ANKRD30A: variants seen among roughly 807,000 people sequenced by gnomAD.
The protein encoded by ANKRD30A is ankyrin repeat domain 30A.
ANKRD30A carries 170 observed loss-of-function variants against 166.3 expected under a neutral mutation model. The ratio of observed to expected loss-of-function variants is 1.02; its 90% CI spans 0.90 to 1.16. The LOEUF (loss-of-function observed/expected upper bound fraction) is 1.16, where lower values mean the gene tolerates loss of function less well. Among genes scored for constraint, ANKRD30A ranks in the 50% most tolerant of loss-of-function variants. The pLI is 0.00. For missense variants in ANKRD30A, 1,630 were observed against 1,518.0 expected (o/e 1.07, Z -1.23); for synonymous variants, 564 against 508.9 (o/e 1.11, Z -1.46).
At chr10:37,132,819 G>A (rs1165803297) in intron 4 of ANKRD30A, among the ~76,000 whole-genome samples, 1 of 152,110 alleles carries the variant, frequency 6.6e-6, no homozygotes, top group Non-Finnish European at 1.5e-5. Flanking sequence ...CCAACATGGT[G>A]AAACCCCATT....
At chr10:37,218,849 G>A in intron 33 of ANKRD30A, 131 bp from the exon 34 acceptor site, 2 of 613,106 alleles carry the variant, frequency 3.3e-6, no homozygotes, top group South Asian at 2.4e-5. Context: ...TGATTCAGTG[G>A]TTCTTCAACT....
chr10:37,167,812 TC>T (rs774676694), intron 19 of ANKRD30A, among the ~76,000 whole-genome samples: 11 of 148,568 alleles, frequency 7.4e-5, no homozygotes, highest in Non-Finnish European at 1.5e-4. Flanking sequence ...TAACACTTTT[TC>T]TGATGAGATG....
chr10:37,155,102 C>T (rs553198361), intron 13 of ANKRD30A, among the ~76,000 whole-genome samples: 319 of 152,156 alleles, frequency 2.1e-3, no homozygotes, highest in Middle Eastern at 0.02. Context: ...CCATAAAATT[C>T]TGAATTTATG....
At chr10:37,224,996 C>CGAA (rs376966666) in intron 34 of ANKRD30A, among the ~76,000 whole-genome samples, 1 of 151,436 alleles carries the variant, frequency 6.6e-6, no homozygotes, top group African/African-American at 2.4e-5. Flanking sequence ...ATGCTTTTCC[C>CGAA]CTTTGATGCT....
chr10:37,137,013 T>C (rs1836744749), intron 6 of ANKRD30A, among the ~76,000 whole-genome samples: 1 of 152,012 alleles, frequency 6.6e-6, no homozygotes, highest in African/African-American at 2.4e-5. Context: ...TTTAAGTTTG[T>C]ATATTTTATG....
rs188005762 is a variant in ANKRD30A at position 37,158,304 on chromosome 10, A to G, written c.1799-88A>G. ...TCCGTTTTGCAATCCAAGCATGAGG[A>G]TTCATCTTCATGTTCACACTGTGTG... On this transcript the variant is annotated intron_variant, in intron 13 of 35. Transcript: ENST00000361713. The G allele has an allele frequency of 8.7e-6, 13 of 1,500,036 alleles. No homozygotes were observed. In the East Asian group the frequency reaches 2.7e-4, roughly 31 times the overall value. The allele number at this position is 1,500,036 out of a possible 1,614,324, so 92.9% of individuals were successfully genotyped here.
rs1457926182 is a variant in ANKRD30A at position 37,212,749 on chromosome 10, T to C, written c.2870-3432T>C. ...GTTGAGTTAATTTTTGTGTAAGGTG[T>C]AAGGAAGGGGTCGAGTTTCAGTTTT... On this transcript the variant is annotated intron_variant, in intron 31 of 35. Coordinates refer to ENST00000361713, the MANE Select transcript of ANKRD30A (RefSeq NM_052997.3). Among the ~76,000 whole-genome samples the C allele has an allele frequency of 2.6e-5, 4 of 151,990 alleles. No homozygotes were observed. In the East Asian group the frequency reaches 7.8e-4, roughly 29 times the overall value.
chr10:37,241,989 A>G, the ANKRD30A span: 1 of 152,210 alleles, frequency 6.6e-6, no homozygotes. Context: ...TGACTACAAT[A>G]TAATCTCACA....
chr10:37,146,514 G>A (rs1176955751), intron 8 of ANKRD30A, among the ~76,000 whole-genome samples: 1 of 152,084 alleles, frequency 6.6e-6, no homozygotes, highest in South Asian at 2.1e-4. Flanking sequence ...CCCCTGACCC[G>A]GGGACAGATG....
At chr10:37,191,109 G>A (rs1375830901) in intron 25 of ANKRD30A, among the ~76,000 whole-genome samples, 3 of 151,698 alleles carry the variant, frequency 2.0e-5, no homozygotes, top group Admixed American at 1.3e-4. Context: ...AAAGTCTGTT[G>A]CAACTAAATT....
At chr10:37,135,967 T>C (rs1485055705) in intron 5 of ANKRD30A, among the ~76,000 whole-genome samples, 1 of 152,086 alleles carries the variant, frequency 6.6e-6, no homozygotes, top group African/African-American at 2.4e-5. Context: ...AAAAAATTAA[T>C]TTTTTGTAGA....
chr10:37,212,640 A>C (rs1842399833), intron 31 of ANKRD30A, among the ~76,000 whole-genome samples: 1 of 152,056 alleles, frequency 6.6e-6, no homozygotes, highest in Admixed American at 6.6e-5. Context: ...TACAGTAACC[A>C]AAACAGCATG....
rs1337560203 is a variant in ANKRD30A, at chr10:37,132,326, T to C, written c.597T>C (p.Asn199=). The change falls in exon 4 of 36, where the codon AAT becomes AAC. Residue 199 remains asparagine, a synonymous_variant. Coordinates refer to ENST00000361713, the MANE Select transcript of ANKRD30A (RefSeq NM_052997.3). ...TGCTGATAAAAAATGCAAATGCGAA[T>C]GCAGTTAATAAGTATAAATGGTATA... The part of the protein sequence containing the change: ...EFLLIKNANA[N]AVNKYKCTAL... 3 of 1,599,654 alleles carry C rather than the reference T, an allele frequency of 1.9e-6. No homozygotes were observed. The highest frequency in any genetic ancestry group is 1.1e-5 in the South Asian group (1 of 87,630).
At chr10:37,192,507 C>T (rs34191815) in intron 25 of ANKRD30A, among the ~76,000 whole-genome samples, 1 of 151,982 alleles carries the variant, frequency 6.6e-6, no homozygotes, top group African/African-American at 2.4e-5. Flanking sequence ...AGTAGAAATG[C>T]TGCTAAATTT....
chr10:37,241,026 A>T, the ANKRD30A span: 1 of 152,230 alleles, frequency 6.6e-6, no homozygotes, highest in African/African-American at 2.4e-5. Context: ...GGTGAGTTTT[A>T]TTTAACAGCA....
chr10:37,214,919 A>G (rs1413208104), intron 31 of ANKRD30A, among the ~76,000 whole-genome samples: 1 of 151,240 alleles, frequency 6.6e-6, no homozygotes, highest in Non-Finnish European at 1.5e-5. Flanking sequence ...AGACTTATAT[A>G]TTACCTGCTG....
intron 34 of ANKRD30A, among the ~76,000 whole-genome samples, chr10:37,222,519 G>T (rs1189214146): frequency 6.6e-6 from 1 of 151,088 alleles, no homozygotes; most frequent in East Asian, 1.9e-4. Flanking sequence ...AGATGTTTAG[G>T]TTGCTTCTGC....
chr10:37,235,021 T>A (rs1487295863), downstream of ANKRD30A, among the ~76,000 whole-genome samples: 1 of 152,174 alleles, frequency 6.6e-6, no homozygotes, highest in Non-Finnish European at 1.5e-5. Flanking sequence ...AGCGCCTGTC[T>A]ACCCTGAATT....
chr10:37,156,241 G>A (rs1838371309), intron 13 of ANKRD30A, among the ~76,000 whole-genome samples: 1 of 152,030 alleles, frequency 6.6e-6, no homozygotes, highest in Non-Finnish European at 1.5e-5. Context: ...TAAAAGTGAA[G>A]TACTGAAAAT....
Sources: allele counts gnomAD v4.1 joint callset (sites outside exome capture counted in the v4.1 genomes callset), GRCh38; gene constraint gnomAD v4.1.1; transcripts MANE v1.5; gene names NCBI Gene and HGNC (gene_info 2026-07-23, HGNC 2026-07-21).